The following AHNAK variants were observed in gnomAD, a reference collection of about 807,000 sequenced individuals.
The protein encoded by AHNAK is neuroblast differentiation-associated protein AHNAK.
A neutral mutation model predicts 37.8 loss-of-function variants in AHNAK; 23 were observed. The ratio of observed to expected loss-of-function variants is 0.61; its 90% CI spans 0.44 to 0.86. The LOEUF (loss-of-function observed/expected upper bound fraction) is 0.86. Among genes scored for constraint, AHNAK ranks in the 40% least tolerant of loss-of-function variants. AHNAK has a pLI of 0.00. For synonymous variants in AHNAK, 2,481 were observed against 2,636.3 expected (o/e 0.94, Z 1.80); for missense variants, 7,411 against 7,319.4 (o/e 1.01, Z -0.46).
intron 1 of AHNAK, among the ~76,000 whole-genome samples, chr11:62,544,229 C>T (rs544462088): frequency 7.0e-4 from 107 of 152,270 alleles, no homozygotes; most frequent in Non-Finnish European, 9.6e-4. Context: ...AACTCCGTAC[C>T]CTGGGCTGAC....
chr11:62,522,932 G>A lies in AHNAK; in HGVS notation c.11485C>T (p.Pro3829Ser). 1 of 1,612,888 alleles carries A rather than the reference G, an allele frequency of 6.2e-7. No homozygotes were observed. Among genetic ancestry groups the A allele is most frequent in the Admixed American group, 1.7e-5 (1 of 59,846 alleles). ...CCTGAGACATCAAGGTCAGCCTTGGGCAGGTTCACATCCACATCTGGGCCC... is the reference window on the plus strand; with the variant it reads ...CCTGAGACATCAAGGTCAGCCTTGGACAGGTTCACATCCACATCTGGGCCC... ...GEGPDVDVNLPKADLDVSGPK... is the reference protein window; with the variant it reads ...GEGPDVDVNLSKADLDVSGPK... The change falls in exon 5 of 5, where the codon CCC (proline) becomes TCC (serine). Residue 3829 changes from proline (P) to serine (S), a missense_variant. Transcript: ENST00000378024.
chr11:62,523,935 T>C lies in AHNAK; in HGVS notation c.10482A>G (p.Val3494=), dbSNP rs138857191. The C allele has an allele frequency of 6.9e-5, 111 of 1,613,852 alleles. No individual in the cohort carries two copies. The highest frequency in any genetic ancestry group is 2.3e-4 in the South Asian group (21 of 91,056). Residue 3494 remains valine, a synonymous_variant, in exon 5 of 5, where the codon GTA becomes GTG. Transcript: ENST00000378024. ...TGTCTCCTTTTGGTAGATCCACAGC[T>C]ACATCTGGCCCTTCTGCTTTTAAGC... is the stretch of plus-strand genomic sequence containing the variant. ...VSGLKAEGPD[V]AVDLPKGDIN...
intron 4 of AHNAK, among the ~76,000 whole-genome samples, chr11:62,500,347 G>T (rs1939689844): frequency 6.6e-6 from 1 of 152,146 alleles, no homozygotes; most frequent in Non-Finnish European, 1.5e-5. Flanking sequence ...ATACTATAAA[G>T]GTACCTGGCT....
Position 62,533,363 on chromosome 11 carries a change from G to A in AHNAK, c.1054C>T (p.Pro352Ser). 1.3e-6 allele frequency: 2 copies of A among 1,569,010 alleles called. No homozygotes were observed. The highest frequency in any genetic ancestry group is 2.4e-5 in the South Asian group (2 of 82,066). The stretch of plus-strand genomic sequence containing the variant: ...GAGGGCACACTGACTTCCAGCTGAG[G>A]GGCTTGGATAGTCAAGCCTGGCTTG... ...GGKPGLTIQAPQLEVSVPSAN... is the reference protein window; with the variant it reads ...GGKPGLTIQASQLEVSVPSAN... Residue 352 changes from proline to serine, a missense_variant, in exon 5 of 5, where the codon CCT becomes TCT. Coordinates refer to ENST00000378024, the MANE Select transcript of AHNAK (RefSeq NM_001620.3).
At chr11:62,502,634 C>A (rs955510513) in intron 4 of AHNAK, among the ~76,000 whole-genome samples, 16 of 152,172 alleles carry the variant, frequency 1.1e-4, no homozygotes, top group Admixed American at 3.3e-4. Context: ...AAGCCATTGG[C>A]CACTAATATT....
intron 5 of AHNAK, among the ~76,000 whole-genome samples, chr11:62,447,988 C>A (rs548633933): frequency 6.6e-6 from 1 of 151,896 alleles, no homozygotes; most frequent in Non-Finnish European, 1.5e-5. Context: ...CCTCTCAGGT[C>A]GTGGGCAGTG....
Position 62,529,580 on chromosome 11 carries a change from T to C in AHNAK, c.4837A>G (p.Ile1613Val). ...TCCATCTTAGGGGCTTTCACATCAA[T>C]TTCAGGACCCTTCAAGTCTCCTTCC... is the stretch of plus-strand genomic sequence containing the variant. Reference protein sequence around the residue: ...KVEGDLKGPEIDVKAPKMDVN... With the variant: ...KVEGDLKGPEVDVKAPKMDVN... The change falls in exon 5 of 5, where the codon ATT becomes GTT. Residue 1613 changes from isoleucine (I) to valine (V), a missense_variant. Transcript: ENST00000378024. The C allele has an allele frequency of 6.2e-7, 1 of 1,614,148 alleles. No individual in the cohort carries two copies. Among genetic ancestry groups the C allele is most frequent in the Non-Finnish European group, 8.5e-7 (1 of 1,180,018 alleles).
exon 6 of AHNAK, chr11:62,433,744 C>T (rs1938097312): frequency 1.6e-6 from 2 of 1,250,760 alleles, no homozygotes; most frequent in African/African-American, 1.5e-5. Context: ...GAAAAGCCGC[C>T]TCGCGGAAGG....
intron 5 of AHNAK, among the ~76,000 whole-genome samples, chr11:62,472,137 C>A (rs1183613959): frequency 6.6e-6 from 1 of 152,150 alleles, no homozygotes; most frequent in African/African-American, 2.4e-5. Context: ...TTTCCCACAT[C>A]TCTGGCCTCC....
intron 5 of AHNAK, among the ~76,000 whole-genome samples, chr11:62,447,565 T>C (rs1938442579): frequency 1.3e-5 from 2 of 152,150 alleles, no homozygotes. Flanking sequence ...ACACCCAGAC[T>C]GTGAGAAAAA....
rs773094855 is a variant in AHNAK, at chr11:62,524,929, A to C, written c.9488T>G (p.Phe3163Cys). 3 of 1,613,854 alleles carry C rather than the reference A, an allele frequency of 1.9e-6. No individual in the cohort carries two copies. Among genetic ancestry groups the C allele is most frequent in the Non-Finnish European group, 2.5e-6 (3 of 1,179,988 alleles). Residue 3163 changes from phenylalanine to cysteine, a missense_variant, in exon 5 of 5, where the codon TTC becomes TGC. By Grantham distance (205) the Phe-to-Cys change is radical. Transcript: ENST00000378024. ...IKMPKISMPG[F>C]KGEGPEVDVN... ...GTCCACTTCTGGACCTTCTCCTTTG[A>C]AGCCAGGCATGCTGATCTTGGGCAT...
intron 4 of AHNAK, among the ~76,000 whole-genome samples, chr11:62,534,551 T>G (rs1472281954): frequency 2.0e-5 from 3 of 152,182 alleles, no homozygotes; most frequent in African/African-American, 7.2e-5. Flanking sequence ...TGAGGACCCA[T>G]TATTTGTTAA....
intron 5 of AHNAK, among the ~76,000 whole-genome samples, chr11:62,481,985 C>T (rs1037091582): frequency 1.3e-5 from 2 of 152,162 alleles, no homozygotes; most frequent in African/African-American, 2.4e-5. Flanking sequence ...TGCCCTGTGT[C>T]GGGTGAGGTC....
intron 5 of AHNAK, among the ~76,000 whole-genome samples, chr11:62,446,978 AT>A (rs1053518165): frequency 6.6e-6 from 1 of 150,994 alleles, no homozygotes; most frequent in African/African-American, 2.4e-5. Context: ...GTCCCCCTTA[AT>A]CTCCTAAACT....
chr11:62,457,074 G>A (rs1938672881), intron 5 of AHNAK, among the ~76,000 whole-genome samples: 1 of 152,184 alleles, frequency 6.6e-6, no homozygotes. Context: ...GCCGAGGCGG[G>A]AGGATCACCT....
intron 5 of AHNAK, among the ~76,000 whole-genome samples, chr11:62,438,236 T>G (rs1244605828): frequency 1.7e-5 from 2 of 120,896 alleles, no homozygotes; most frequent in Non-Finnish European, 3.4e-5. Context: ...CAGGCTGGAG[T>G]GCAGTGGTGT....
chr11:62,524,756 T>C lies in AHNAK; in HGVS notation c.9661A>G (p.Met3221Val), dbSNP rs146626444. 220 of 1,614,200 alleles carry C rather than the reference T, an allele frequency of 1.4e-4. No individual in the cohort carries two copies. In the African/African-American group the frequency reaches 2.8e-3, roughly 21 times the overall value. ...EMNIKAPKIS[M>V]PDLDLNLKGP... is the part of the protein sequence containing the mutation. ...TTAAGATTGAGGTCCAAATCAGGCA[T>C]TGATATTTTAGGAGCTTTGATGTTC... Residue 3221 changes from methionine (M) to valine (V), a missense_variant, in exon 5 of 5, where the codon ATG (methionine) becomes GTG (valine). Coordinates refer to ENST00000378024, the MANE Select transcript of AHNAK (RefSeq NM_001620.3).
chr11:62,524,568 C>T lies in AHNAK; in HGVS notation c.9849G>A (p.Met3283Ile). ...DAKLKGPKLK[M>I]PDMHVNMPKI... Reference sequence around the variant, plus strand: ...TGGGCATGTTTACATGCATGTCAGGCATCTTCAGTTTTGGACCTTTTAATT... The same window carrying T: ...TGGGCATGTTTACATGCATGTCAGGTATCTTCAGTTTTGGACCTTTTAATT... The change falls in exon 5 of 5, where the codon ATG (methionine) becomes ATA (isoleucine). Residue 3283 changes from methionine (M) to isoleucine (I), a missense_variant. Coordinates refer to ENST00000378024, the MANE Select transcript of AHNAK (RefSeq NM_001620.3). 6.2e-6 allele frequency: 10 copies of T among 1,613,950 alleles called. No homozygotes were observed. The highest frequency in any genetic ancestry group is 8.5e-6 in the Non-Finnish European group (10 of 1,179,968).
intron 1 of AHNAK, among the ~76,000 whole-genome samples, chr11:62,542,893 C>G (rs1941177211): frequency 6.6e-6 from 1 of 152,192 alleles, no homozygotes; most frequent in African/African-American, 2.4e-5. Flanking sequence ...GCCTGTCTGC[C>G]CCACCCAAGG....
Sources: gnomAD v4.1 joint callset for allele counts (sites outside exome capture counted in the v4.1 genomes callset) on GRCh38, gnomAD v4.1.1 for gene constraint, MANE v1.5 for transcripts, NCBI Gene and HGNC (gene_info 2026-07-23, HGNC 2026-07-21) for gene names.